HID1: variants seen among roughly 807,000 people sequenced by gnomAD.
HID1 encodes the protein protein HID1.
Under a neutral mutation model 89.7 loss-of-function variants are expected in HID1, and 42 were observed. The ratio of observed to expected loss-of-function variants is 0.47; its 90% CI spans 0.37 to 0.61. The LOEUF (loss-of-function observed/expected upper bound fraction) is 0.61, where lower values mean the gene tolerates loss of function less well. Among genes scored for constraint, HID1 ranks in the 20% least tolerant of loss-of-function variants. The probability of loss-of-function intolerance (pLI) is 0.00; values close to 1 mark genes in which losing one functional copy is unlikely to be tolerated. For missense variants in HID1, 854 were observed against 1,039.3 expected (o/e 0.82, Z 2.45); for synonymous variants, 442 against 433.8 (o/e 1.02, Z -0.24).
At chr17:74,961,193 T>G (rs1211222444) in intron 6 of HID1, among the ~76,000 whole-genome samples, 1 of 152,228 alleles carries the variant, frequency 6.6e-6, no homozygotes, top group East Asian at 1.9e-4. Flanking sequence ...AGTAATGTTG[T>G]ATACTGATTC....
intron 2 of HID1, chr17:74,964,280 G>A: frequency 1.6e-6 from 1 of 621,586 alleles, no homozygotes; most frequent in South Asian, 2.0e-5. Flanking sequence ...TGCTCAGTCA[G>A]ATGTGGCCTG....
At chr17:74,963,143 G>A in intron 3 of HID1, 62 bp from the exon 4 acceptor site, 1 of 1,257,934 alleles carries the variant, frequency 7.9e-7, no homozygotes, top group Non-Finnish European at 1.1e-6. Flanking sequence ...GTGGCCCAGG[G>A]CTTGGGGGTG....
intron 1 of HID1, among the ~76,000 whole-genome samples, chr17:74,965,859 G>C (rs1446652497): frequency 6.6e-6 from 1 of 151,894 alleles, no homozygotes; most frequent in Non-Finnish European, 1.5e-5. Context: ...AGAGGTTGCA[G>C]TGAGCCAAGA....
In HID1 at chr17:74,964,978, C is replaced by T. The variant is rs554085794; in HGVS notation, c.67-346G>A. ...CACCTGGGCACAGCCCCAGGCCACA[C>T]CATTAGGTCAAATGCTCAGGGATCC... On this transcript the variant is annotated intron_variant, in intron 1 of 18. Coordinates refer to ENST00000425042, the MANE Select transcript of HID1 (RefSeq NM_030630.3). Among the ~76,000 whole-genome samples, 4 of 152,360 alleles carry T rather than the reference C, an allele frequency of 2.6e-5. 1 individual carries two copies. The highest frequency in any genetic ancestry group is 3.9e-4 in the East Asian group (2 of 5,186).
rs769974201 is a variant in HID1, at chr17:74,952,067, C to A, written c.2145-4G>T. The A allele has an allele frequency of 4.5e-6, 7 of 1,555,260 alleles. No individual in the cohort carries two copies. In the African/African-American group the frequency reaches 5.4e-5, roughly 12 times the overall value. On this transcript the variant is annotated splice_polypyrimidine_tract_variant and splice_region_variant and intron_variant, in intron 17 of 18. Coordinates refer to ENST00000425042, the MANE Select transcript of HID1 (RefSeq NM_030630.3). ...CTCAGACTCATCCGTCAGGCCCCTG[C>A]GGGGAGAGGGGTATCTCCAGCACAC...
In HID1 at chr17:74,958,084, C is replaced by G; in HGVS notation, c.1471+57G>C. The G allele has an allele frequency of 6.6e-7, 1 of 1,510,768 alleles. No individual in the cohort carries two copies. Among genetic ancestry groups the G allele is most frequent in the South Asian group, 1.2e-5 (1 of 83,526 alleles). The allele number at this position is 1,510,768 out of a possible 1,614,324, so 93.6% of individuals were successfully genotyped here. On this transcript the variant is annotated intron_variant, in intron 12 of 18. Transcript: ENST00000425042. This position sits in a 1 kb window ranked among gnomAD's most constrained non-coding sequence, Gnocchi z 5.2. The stretch of plus-strand genomic sequence containing the variant: ...AACCTGGAGCAAGTGGCAGGTTGGC[C>G]TGTGGCCTGACACCACCTGGTGGTG...
chr17:74,963,179 C>A (rs913386660), intron 3 of HID1, 98 bp from the exon 4 acceptor site: 7 of 852,264 alleles, frequency 8.2e-6, no homozygotes, highest in Admixed American at 2.5e-5. Context: ...TGAGCCCAGG[C>A]GGGCACCCAT....
chr17:74,964,093 G>C, intron 2 of HID1, 183 bp from the exon 3 acceptor site: 1 of 640,160 alleles, frequency 1.6e-6, no homozygotes, highest in African/African-American at 1.8e-5. Context: ...AGCCTTGGGG[G>C]ACTGGGACAC....
chr17:74,957,447 A>C (rs2039406676), intron 12 of HID1, among the ~76,000 whole-genome samples: 1 of 152,002 alleles, frequency 6.6e-6, no homozygotes, highest in South Asian at 2.1e-4. Context: ...ACTGCACTCT[A>C]GCCTGAGCAA....
rs116880915 is a variant in HID1, at chr17:74,969,530, G to T, written c.66+3061C>A. On this transcript the variant is annotated intron_variant, in intron 1 of 18. Coordinates refer to ENST00000425042, the MANE Select transcript of HID1 (RefSeq NM_030630.3). ...AAGTGTTTTTGCTGGAGGTAGGCAG[G>T]CCCCTGCTGCTAGGGCCACAGAAAC... Among the ~76,000 whole-genome samples, 887 of 152,144 alleles carry T rather than the reference G, an allele frequency of 5.8e-3. 13 individuals are homozygous for T. Among genetic ancestry groups the T allele is most frequent in the Admixed American group, 0.037 (570 of 15,272 alleles).
In HID1 at chr17:74,964,026, G is replaced by T. The variant is rs920268632; in HGVS notation, c.217-116C>A. On this transcript the variant is annotated intron_variant, in intron 2 of 18. Coordinates refer to ENST00000425042, the MANE Select transcript of HID1 (RefSeq NM_030630.3). ...GAGGGTCAGGGGGGGCACCCAGGCT[G>T]CAGAGGAGAGACAGTGGGGCCACAG... 5.6e-6 allele frequency: 6 copies of T among 1,080,180 alleles called. No homozygotes were observed. The African/African-American group carries it at 9.3e-5, about 17-fold the overall frequency. The allele number at this position is 1,080,180 out of a possible 1,614,324, so 66.9% of individuals were successfully genotyped here.
In HID1 at chr17:74,963,781, C is replaced by T. The variant is rs1240322568; in HGVS notation, c.346G>A (p.Gly116Ser). Residue 116 changes from glycine to serine, a missense_variant, in exon 3 of 19, where the codon GGC becomes AGC. Transcript: ENST00000425042. ...PYIFEDPDWR[G>S]FFWSTVPGAG... Reference sequence around the variant, plus strand: ...CCGGGCACTGTGGACCAGAAGAAGCCCCTCCAGTCGGGGTCCTCAAAGATG... The same window carrying T: ...CCGGGCACTGTGGACCAGAAGAAGCTCCTCCAGTCGGGGTCCTCAAAGATG... 7 of 1,613,806 alleles carry T rather than the reference C, an allele frequency of 4.3e-6. No homozygotes were observed. The highest frequency in any genetic ancestry group is 5.1e-6 in the Non-Finnish European group (6 of 1,179,884).
At position 74,952,007 on chromosome 17, in the gene HID1, C is replaced by T. The variant is rs963418451; in HGVS notation, c.2201G>A (p.Gly734Glu). The T allele has an allele frequency of 1.3e-6, 2 of 1,560,312 alleles. No individual in the cohort carries two copies. Among genetic ancestry groups the T allele is most frequent in the African/African-American group, 2.7e-5 (2 of 74,032 alleles). Residue 734 changes from glycine to glutamate, a missense_variant, in exon 18 of 19, where the codon GGG (glycine) becomes GAG (glutamate). By Grantham distance (98) the Gly-to-Glu change is moderately conservative. Coordinates refer to ENST00000425042, the MANE Select transcript of HID1 (RefSeq NM_030630.3). The stretch of plus-strand genomic sequence containing the variant: ...GATGGGGTGGGGCACGGGCAGCAGC[C>T]CCACCAGGGTGCCATGCTGCAGGAA... Reference protein sequence around the residue: ...LRFLQHGTLVGLLPVPHPILI... With the variant: ...LRFLQHGTLVELLPVPHPILI...
intron 16 of HID1, among the ~76,000 whole-genome samples, chr17:74,952,623 G>A (rs2039321365): frequency 6.6e-6 from 1 of 152,194 alleles, no homozygotes; most frequent in African/African-American, 2.4e-5. Flanking sequence ...GGTCAGGCAG[G>A]GACGGTAATT....
rs764017689 is a variant in HID1 at position 74,959,137 on chromosome 17, C to A, written c.1009-86G>T. ...AGCCCAGGCCCCCAACAAATCCCCCCCTCCATCCCCCAGAGCCAGATCCCA... is the reference window on the plus strand; with the variant it reads ...AGCCCAGGCCCCCAACAAATCCCCCACTCCATCCCCCAGAGCCAGATCCCA... On this transcript the variant is annotated intron_variant, in intron 8 of 18. Coordinates refer to ENST00000425042, the MANE Select transcript of HID1 (RefSeq NM_030630.3). This position sits in a 1 kb window ranked among gnomAD's most constrained non-coding sequence, Gnocchi z 4.6. The A allele has an allele frequency of 7.1e-7, 1 of 1,402,108 alleles. No homozygotes were observed. Among genetic ancestry groups the A allele is most frequent in the South Asian group, 1.5e-5 (1 of 65,160 alleles). 86.9% of individuals were successfully genotyped at this position (1,402,108 alleles called of 1,614,324 possible). A position where few individuals can be genotyped will look rare whatever the true frequency, so the allele number is the denominator to read the frequency against.
chr17:74,963,299 C>G (rs1598629487), intron 3 of HID1: 2 of 550,882 alleles, frequency 3.6e-6, no homozygotes, highest in East Asian at 6.2e-5. Flanking sequence ...GGAACCTCCC[C>G]TACTGACTGG....
Position 74,958,666 on chromosome 17 carries a change from G to C in HID1, c.1240+7C>G. 1 of 1,563,770 alleles carries C rather than the reference G, an allele frequency of 6.4e-7. No homozygotes were observed. The highest frequency in any genetic ancestry group is 1.1e-5 in the South Asian group (1 of 89,826). On this transcript the variant is annotated splice_region_variant and intron_variant, in intron 10 of 18. Transcript: ENST00000425042. The surrounding 1 kb of genome is among the most constrained non-coding windows in gnomAD (Gnocchi z 5.2). ...CCCCCAGCATCCCACCCCCACCCTG[G>C]TCTTACACTGATCGGCCCGGGCATC...
At chr17:74,970,076 C>G (rs1365541733) in intron 1 of HID1, among the ~76,000 whole-genome samples, 1 of 151,958 alleles carries the variant, frequency 6.6e-6, no homozygotes, top group Non-Finnish European at 1.5e-5. Flanking sequence ...TCCACCACGC[C>G]TGGCTAATTT....
chr17:74,958,687 G>A lies in HID1; in HGVS notation c.1226C>T (p.Ala409Val). 1 of 1,610,322 alleles carries A rather than the reference G, an allele frequency of 6.2e-7. No homozygotes were observed. The highest frequency in any genetic ancestry group is 1.7e-5 in the Admixed American group (1 of 59,878). Reference sequence around the variant, plus strand: ...CCTGGTCTTACACTGATCGGCCCGGGCATCGTTGAGGAAGAAGAGGATGGG... The same window carrying A: ...CCTGGTCTTACACTGATCGGCCCGGACATCGTTGAGGAAGAAGAGGATGGG... ...LVPILFFLND[A>V]RADQSRVGLM... The change falls in exon 10 of 19, where the codon GCC becomes GTC. Residue 409 changes from alanine (A) to valine (V), a missense_variant. Coordinates refer to ENST00000425042, the MANE Select transcript of HID1 (RefSeq NM_030630.3). The surrounding 1 kb of genome is among the most constrained non-coding windows in gnomAD (Gnocchi z 5.2).
Sources: gnomAD v4.1 joint callset for allele counts (sites outside exome capture counted in the v4.1 genomes callset) on GRCh38, gnomAD v4.1.1 for gene constraint, Gnocchi (gnomAD v3.1) non-coding constraint, MANE v1.5 for transcripts, NCBI Gene and HGNC (gene_info 2026-07-23, HGNC 2026-07-21) for gene names.